Variants in ATRNL1 observed in about 807,000 individuals in gnomAD.
The protein encoded by ATRNL1 is attractin like 1, also known as attractin-like protein 1.
ATRNL1 carries 95 observed loss-of-function variants against 182.7 expected under a neutral mutation model. The observed-to-expected ratio is 0.52, with a 90% CI of 0.44 to 0.62. ATRNL1 has a LOEUF of 0.62. Among genes scored for constraint, ATRNL1 ranks in the 20% least tolerant of loss-of-function variants. The pLI is 0.00. For missense variants in ATRNL1, 1,471 were observed against 1,679.5 expected, an observed-to-expected ratio of 0.88 and a Z score of 2.17; for synonymous variants, 576 against 568.3, an observed-to-expected ratio of 1.01 and a Z score of -0.19.
Position 115,713,449 on chromosome 10 carries a change from G to GTGTGTGTGTGTGTT in ATRNL1, c.3796-13786_3796-13785insTTGTGTGTGTGTGT, listed in dbSNP as rs71301602. Among the ~76,000 whole-genome samples, 142 of 137,686 alleles carry GTGTGTGTGTGTGTT rather than the reference G, an allele frequency of 1.0e-3. 1 individual carries two copies. In the South Asian group the frequency reaches 0.015, roughly 14 times the overall value. 90.3% of individuals were successfully genotyped at this position (137,686 alleles called of 152,430 possible). On this transcript the variant is annotated intron_variant, in intron 26 of 28. Coordinates refer to ENST00000355044, the MANE Select transcript of ATRNL1 (RefSeq NM_207303.4). ...CAAGGAAGAGGGAAAGTGGCTGTGTGTGTGTGTGTGTGTGTGTTTGTGTGT... is the reference window on the plus strand; with the variant it reads ...CAAGGAAGAGGGAAAGTGGCTGTGTGTGTGTGTGTGTGTTTGTGTGTGTGTGTGTGTTTGTGTGT...
At chr10:115,847,198 T>C (rs1950949196) in intron 27 of ATRNL1, among the ~76,000 whole-genome samples, 2 of 151,928 alleles carry the variant, frequency 1.3e-5, no homozygotes, top group Admixed American at 6.6e-5. Flanking sequence ...TAGAACAATA[T>C]TCACCAGGGA....
At chr10:115,507,714 C>G (rs868962606) in intron 24 of ATRNL1, among the ~76,000 whole-genome samples, 19 of 152,146 alleles carry the variant, frequency 1.2e-4, no homozygotes, top group South Asian at 4.1e-4. Flanking sequence ...AAATAGTAAG[C>G]ACTTTATGAA....
At chr10:115,374,295 T>C (rs1279015607) in intron 19 of ATRNL1, among the ~76,000 whole-genome samples, 1 of 151,770 alleles carries the variant, frequency 6.6e-6, no homozygotes, top group Non-Finnish European at 1.5e-5. Flanking sequence ...AGGAAAAAAC[T>C]CTTAGTTTCA....
intron 20 of ATRNL1, among the ~76,000 whole-genome samples, chr10:115,396,717 T>A (rs551606068): frequency 6.6e-6 from 1 of 152,080 alleles, no homozygotes; most frequent in East Asian, 1.9e-4. Context: ...TAGTATAGTT[T>A]TACTTAAATA....
chr10:115,408,059 A>C (rs983898307), intron 20 of ATRNL1, among the ~76,000 whole-genome samples: 1 of 133,160 alleles, frequency 7.5e-6, no homozygotes, highest in Non-Finnish European at 1.5e-5. Context: ...TGCGGACTGC[A>C]GTGGCGCAAT....
At position 115,286,358 on chromosome 10, in the gene ATRNL1, A is replaced by C; in HGVS notation, c.2376A>C (p.Val792=). The change falls in exon 15 of 29, where the codon GTA becomes GTC. Residue 792 remains valine, a synonymous_variant. Coordinates refer to ENST00000355044, the MANE Select transcript of ATRNL1 (RefSeq NM_207303.4). ...NLASLTTSKE[V]EFVLDEIQKY... ...CTTCATTAACAACCTCAAAAGAAGT[A>C]GAATTTGTTCTGGATGAAATACAGA... is the stretch of plus-strand genomic sequence containing the variant. 1 of 1,606,138 alleles carries C rather than the reference A, an allele frequency of 6.2e-7. No homozygotes were observed. The highest frequency in any genetic ancestry group is 8.5e-7 in the Non-Finnish European group (1 of 1,174,622).
chr10:115,324,110 A>G (rs926503368), intron 18 of ATRNL1, among the ~76,000 whole-genome samples: 1 of 151,972 alleles, frequency 6.6e-6, no homozygotes, highest in Non-Finnish European at 1.5e-5. Context: ...CTTTGTTTAA[A>G]TCAACTCTCT....
chr10:115,494,347 T>C (rs1849445838), intron 24 of ATRNL1, among the ~76,000 whole-genome samples: 1 of 152,176 alleles, frequency 6.6e-6, no homozygotes, highest in Admixed American at 6.5e-5. Flanking sequence ...GCCTGATTGC[T>C]GTGGCCAGGA....
At chr10:115,291,810 GT>G (rs869274544) in intron 15 of ATRNL1, among the ~76,000 whole-genome samples, 13,342 of 120,056 alleles carry the variant, frequency 0.11, 677 homozygotes, top group African/African-American at 0.12. Flanking sequence ...TGGCCTCTAG[GT>G]TTTTTTTTTT....
chr10:115,387,896 T>G (rs187163992), intron 19 of ATRNL1, among the ~76,000 whole-genome samples: 26 of 152,350 alleles, frequency 1.7e-4, no homozygotes, highest in Non-Finnish European at 3.1e-4. Context: ...GTAAATCTAC[T>G]ACTTATGTTA....
intron 26 of ATRNL1, among the ~76,000 whole-genome samples, chr10:115,584,659 G>T (rs1247339633): frequency 6.6e-6 from 1 of 150,650 alleles, no homozygotes; most frequent in Non-Finnish European, 1.5e-5. Context: ...TATTAGTCTT[G>T]CTAGCTGTCT....
intron 25 of ATRNL1, among the ~76,000 whole-genome samples, chr10:115,534,073 A>G (rs1554989360): frequency 6.6e-6 from 1 of 151,942 alleles, no homozygotes; most frequent in East Asian, 1.9e-4. Context: ...AAAAAAATGT[A>G]TATTCTGTGG....
At chr10:115,541,744 A>C (rs537163474) in intron 25 of ATRNL1, among the ~76,000 whole-genome samples, 1 of 152,208 alleles carries the variant, frequency 6.6e-6, no homozygotes, top group Non-Finnish European at 1.5e-5. Context: ...AAAAAATACT[A>C]TAGTGTTATA....
intron 10 of ATRNL1, among the ~76,000 whole-genome samples, chr10:115,242,232 C>T (rs782658252): frequency 1.4e-4 from 21 of 151,798 alleles, no homozygotes; most frequent in Non-Finnish European, 2.1e-4. Flanking sequence ...GATTTTGAGA[C>T]GAAATGGAAA....
At chr10:115,764,061 C>T (rs1948797508) in intron 27 of ATRNL1, among the ~76,000 whole-genome samples, 1 of 152,142 alleles carries the variant, frequency 6.6e-6, no homozygotes, top group Non-Finnish European at 1.5e-5. Flanking sequence ...TATTTGTGTT[C>T]TCTGCTTTAT....
At chr10:115,803,884 C>T (rs1949856950) in intron 27 of ATRNL1, among the ~76,000 whole-genome samples, 1 of 152,042 alleles carries the variant, frequency 6.6e-6, no homozygotes, top group Non-Finnish European at 1.5e-5. Context: ...GGATCATGGC[C>T]TGGCCAATAC....
chr10:115,562,835 A>T (rs1459082738), intron 26 of ATRNL1, among the ~76,000 whole-genome samples: 1 of 152,312 alleles, frequency 6.6e-6, no homozygotes, highest in East Asian at 1.9e-4. Flanking sequence ...TGTCTTGCAC[A>T]AATTGGGCTT....
chr10:115,933,280 G>C (rs1953459774), intron 28 of ATRNL1, among the ~76,000 whole-genome samples: 1 of 152,232 alleles, frequency 6.6e-6, no homozygotes, highest in South Asian at 2.1e-4. Context: ...TTCTTCACTA[G>C]TGTTTTTGGC....
At chr10:115,290,538 C>T (rs1852848361) in intron 15 of ATRNL1, among the ~76,000 whole-genome samples, 1 of 152,122 alleles carries the variant, frequency 6.6e-6, no homozygotes, top group Admixed American at 6.5e-5. Context: ...CGCCTGTAAT[C>T]CCAGCCACTT....
Sources: allele counts gnomAD v4.1 joint callset (sites outside exome capture counted in the v4.1 genomes callset), GRCh38; gene constraint gnomAD v4.1.1; transcripts MANE v1.5; gene names NCBI Gene and HGNC (gene_info 2026-07-23, HGNC 2026-07-21).